Variants in ATRX observed in about 807,000 individuals in gnomAD.
ATRX encodes the protein ATRX chromatin remodeler.
Under a neutral mutation model 172.6 loss-of-function variants are expected in ATRX, and 12 were observed. The ratio of observed to expected loss-of-function variants is 0.07; its 90% CI spans 0.04 to 0.11. The LOEUF is 0.11. Ranked by LOEUF, ATRX falls within the 10% of genes least tolerant of loss-of-function variation. The pLI, the probability that ATRX is intolerant of heterozygous loss-of-function variation, is 1.00. For synonymous variants in ATRX, 674 were observed against 594.7 expected (o/e 1.13, Z -1.94); for missense variants, 1,368 against 1,767.4 (o/e 0.77, Z 4.05).
chrX:77,681,924 T>A lies in ATRX; in HGVS notation c.3332A>T (p.Asp1111Val). 1 of 1,210,829 alleles carries A rather than the reference T, an allele frequency of 8.3e-7. No homozygotes were observed. Among genetic ancestry groups the A allele is most frequent in the Non-Finnish European group, 1.1e-6 (1 of 895,048 alleles). ...SRKRQDCSSSDTEKYSMKEDG... is the reference protein window; with the variant it reads ...SRKRQDCSSSVTEKYSMKEDG... ...TTCTTTCATGGAATATTTCTCAGTA[T>A]CAGATGATGAACAATCTTGTCTCTT... is the stretch of plus-strand genomic sequence containing the variant. The change falls in exon 9 of 35, where the codon GAT becomes GTT. Residue 1111 changes from aspartate (D) to valine (V), a missense_variant. Asp to Val is a radical substitution (Grantham distance 152). This residue lies in a region of ATRX where 843 missense variants were observed against 643.1 expected (regional missense o/e 1.31). Coordinates refer to ENST00000373344, the MANE Select transcript of ATRX (RefSeq NM_000489.6).
At chrX:77,511,615 T>C (rs782177586) in intron 34 of ATRX, among the ~76,000 whole-genome samples, 2 of 111,356 alleles carry the variant, frequency 1.8e-5, no homozygotes, top group African/African-American at 3.3e-5. Context: ...CACAAAGATA[T>C]TGAAATAATT....
At chrX:77,645,962 T>C (rs1010887036) in intron 15 of ATRX, among the ~76,000 whole-genome samples, 2 of 110,750 alleles carry the variant, frequency 1.8e-5, no homozygotes, top group East Asian at 5.7e-4. Flanking sequence ...ATATAGAATA[T>C]ACAAAAATGA....
chrX:77,647,079 C>A (rs2068957011), intron 15 of ATRX, among the ~76,000 whole-genome samples: 1 of 111,462 alleles, frequency 9.0e-6, no homozygotes, highest in African/African-American at 3.3e-5. Flanking sequence ...ACTGAAGTAT[C>A]TTTTCCAGTC....
intron 27 of ATRX, among the ~76,000 whole-genome samples, chrX:77,581,608 A>G (rs1285042351): frequency 8.9e-6 from 1 of 111,995 alleles, no homozygotes; most frequent in Non-Finnish European, 1.9e-5. Context: ...CCCCAATAAA[A>G]TAATAGCTGG....
intron 15 of ATRX, among the ~76,000 whole-genome samples, chrX:77,649,786 C>G (rs1749004924): frequency 8.9e-6 from 1 of 111,994 alleles, no homozygotes; most frequent in African/African-American, 3.2e-5. Context: ...ATTGTGAGGC[C>G]TCCCCAAGCC....
chrX:77,784,733 T>C (rs1324773908), intron 1 of ATRX, among the ~76,000 whole-genome samples: 1 of 112,067 alleles, frequency 8.9e-6, no homozygotes, highest in Non-Finnish European at 1.9e-5. Flanking sequence ...AAAGAAAATA[T>C]AATCTACTGC....
intron 15 of ATRX, among the ~76,000 whole-genome samples, chrX:77,637,939 C>CAAAAAAAAAAAAAAAAAAAAACAAA (rs373944111): frequency 2.3e-5 from 1 of 42,863 alleles, no homozygotes; most frequent in Non-Finnish European, 3.9e-5. Flanking sequence ...AGCTCCATCT[C>CAAAAAAAAAAAAAAAAAAAAACAAA]AAAAAAAAAA....
At position 77,701,794 on chromosome X, in the gene ATRX, G is replaced by A. The variant is rs782415294; in HGVS notation, c.134-3165C>T. ...CTATTCCTATTAGAGGGCCAGGCGCGGTGGCTGATGCCTGTAATCCCAGCA... is the reference window on the plus strand; with the variant it reads ...CTATTCCTATTAGAGGGCCAGGCGCAGTGGCTGATGCCTGTAATCCCAGCA... On this transcript the variant is annotated intron_variant, in intron 2 of 34. Coordinates refer to ENST00000373344, the MANE Select transcript of ATRX (RefSeq NM_000489.6). Among the ~76,000 whole-genome samples the A allele has an allele frequency of 8.0e-5, 9 of 112,065 alleles. No homozygotes were observed. The South Asian group carries it at 2.9e-3, about 37-fold the overall frequency.
chrX:77,676,352 A>C, intron 9 of ATRX, 54 bp from the exon 10 acceptor site: 1 of 1,110,561 alleles, frequency 9.0e-7, no homozygotes, highest in South Asian at 1.9e-5. Flanking sequence ...ATATAATTAA[A>C]ACCATGTAAA....
intron 9 of ATRX, 40 bp downstream of exon 9, chrX:77,681,480 G>A (rs1033652144): frequency 1.0e-5 from 12 of 1,146,349 alleles, no homozygotes; most frequent in Non-Finnish European, 1.4e-5. Context: ...CTCAAGAGGG[G>A]GAAGTACAAA....
intron 1 of ATRX, among the ~76,000 whole-genome samples, chrX:77,771,299 C>G (rs1426389978): frequency 9.2e-6 from 1 of 108,482 alleles, no homozygotes; most frequent in Non-Finnish European, 1.9e-5. Context: ...TCACTTAAAC[C>G]CAGAAGGCGG....
At position 77,570,445 on chromosome X, in the gene ATRX, C is replaced by T. The variant is rs782355455; in HGVS notation, c.6326+3805G>A. On this transcript the variant is annotated intron_variant, in intron 28 of 34. Transcript: ENST00000373344. Reference sequence around the variant, plus strand: ...CCACTAGGATTACAAGTATGAGCCACTGTGCACTGCCACAGATAGTTTTTT... The same window carrying T: ...CCACTAGGATTACAAGTATGAGCCATTGTGCACTGCCACAGATAGTTTTTT... 3.6e-5 allele frequency among the ~76,000 whole-genome samples: 4 copies of T among 110,738 alleles called. No homozygotes were observed. The South Asian group carries it at 1.5e-3, about 43-fold the overall frequency.
At chrX:77,728,615 A>G (rs2074155765) in intron 1 of ATRX, among the ~76,000 whole-genome samples, 1 of 111,507 alleles carries the variant, frequency 9.0e-6, no homozygotes, top group Non-Finnish European at 1.9e-5. Flanking sequence ...CTAAGTTTCC[A>G]TGAAATAGAC....
chrX:77,717,513 G>A (rs1373620787), intron 1 of ATRX, among the ~76,000 whole-genome samples: 1 of 108,792 alleles, frequency 9.2e-6, no homozygotes, highest in Non-Finnish European at 1.9e-5. Flanking sequence ...TGAGGTGGGA[G>A]GATGGCTTGA....
At chrX:77,626,028 C>CATATATAT (rs782747198) in intron 19 of ATRX, among the ~76,000 whole-genome samples, 2 of 36,274 alleles carry the variant, frequency 5.5e-5, no homozygotes, top group African/African-American at 1.2e-4. Flanking sequence ...GAAATTGTGG[C>CATATATAT]ATATATATAT....
At chrX:77,730,148 T>G (rs190775460) in intron 1 of ATRX, among the ~76,000 whole-genome samples, 67 of 111,726 alleles carry the variant, frequency 6.0e-4, no homozygotes, top group African/African-American at 2.2e-3. Flanking sequence ...CGAGAAATCT[T>G]TTCCAAAGCC....
intron 24 of ATRX, 38 bp from the exon 25 acceptor site, chrX:77,599,618 C>T (rs2066598954): frequency 8.3e-7 from 1 of 1,203,066 alleles, no homozygotes; most frequent in Non-Finnish European, 1.1e-6. Flanking sequence ...AAAACACATT[C>T]AGATTGTTAG....
At chrX:77,549,985 G>GAAATA (rs782243587) in intron 30 of ATRX, among the ~76,000 whole-genome samples, 9 of 110,271 alleles carry the variant, frequency 8.2e-5, no homozygotes, top group Middle Eastern at 4.8e-3. Flanking sequence ...GAAATGAAAT[G>GAAATA]AAATAAAATA....
chrX:77,586,351 T>C (rs2066021064), intron 27 of ATRX, among the ~76,000 whole-genome samples: 1 of 111,704 alleles, frequency 9.0e-6, no homozygotes, highest in Non-Finnish European at 1.9e-5. Flanking sequence ...GGAGTGTCAC[T>C]GGACATGAAA....
Sources: gnomAD v4.1 joint callset for allele counts (sites outside exome capture counted in the v4.1 genomes callset) on GRCh38, gnomAD v4.1.1 for gene constraint, gnomAD v4.1.1 regional missense constraint, MANE v1.5 for transcripts, NCBI Gene and HGNC (gene_info 2026-07-23, HGNC 2026-07-21) for gene names.